NXN: variants seen among roughly 807,000 people sequenced by gnomAD.
NXN encodes the protein nucleoredoxin, also known as nucleoredoxin 1.
A neutral mutation model predicts 48.6 loss-of-function variants in NXN; 16 were observed. The ratio of observed to expected loss-of-function variants is 0.33; its 90% CI spans 0.22 to 0.50. The LOEUF (loss-of-function observed/expected upper bound fraction) is 0.50. Among genes scored for constraint, NXN ranks in the 20% least tolerant of loss-of-function variants. The pLI is 0.98. For synonymous variants in NXN, 281 were observed against 269.6 expected (o/e 1.04, Z -0.41); for missense variants, 492 against 605.5 (o/e 0.81, Z 1.97).
At chr17:820,517 C>G (rs1214774958) in intron 4 of NXN, among the ~76,000 whole-genome samples, 1 of 145,672 alleles carries the variant, frequency 6.9e-6, no homozygotes, top group Non-Finnish European at 1.5e-5. Flanking sequence ...GAGGCTGAGG[C>G]AGGAGAATGA....
At chr17:896,424 T>C (rs537484652) in intron 1 of NXN, among the ~76,000 whole-genome samples, 1 of 152,128 alleles carries the variant, frequency 6.6e-6, no homozygotes, top group East Asian at 1.9e-4. Flanking sequence ...GGTGGATTAT[T>C]TGAGCACAGG....
chr17:968,371 G>A (rs952522836), intron 1 of NXN, among the ~76,000 whole-genome samples: 1 of 152,224 alleles, frequency 6.6e-6, no homozygotes, highest in Non-Finnish European at 1.5e-5. Flanking sequence ...CCGAGCACCT[G>A]ATTAGTCAAA....
intron 3 of NXN, among the ~76,000 whole-genome samples, chr17:823,170 G>A (rs1218984902): frequency 1.6e-4 from 25 of 151,790 alleles, no homozygotes; most frequent in Admixed American, 5.9e-4. Context: ...AGGCCGAGGC[G>A]GGCAGATCAC....
chr17:839,777 T>C (rs1914032299), intron 1 of NXN, among the ~76,000 whole-genome samples: 1 of 101,740 alleles, frequency 9.8e-6, no homozygotes, highest in South Asian at 3.2e-4. Flanking sequence ...CACTCCAGCC[T>C]GGCGACAGAG....
At chr17:851,865 C>A (rs771553963) in intron 1 of NXN, among the ~76,000 whole-genome samples, 9 of 152,348 alleles carry the variant, frequency 5.9e-5, no homozygotes, top group South Asian at 2.1e-4. Context: ...GCGTTGCCTG[C>A]GGAAAGCGGA....
In NXN at chr17:830,233, A is replaced by G. The variant is rs1390557209; in HGVS notation, c.361-4155T>C. Reference sequence around the variant, plus strand: ...ATTAAGTGAGCGCCCACTGTGTGCCAGGCTCGTTCTAAGCACAAGAGATTC... The same window carrying G: ...ATTAAGTGAGCGCCCACTGTGTGCCGGGCTCGTTCTAAGCACAAGAGATTC... On this transcript the variant is annotated intron_variant, in intron 1 of 7. Coordinates refer to ENST00000336868, the MANE Select transcript of NXN (RefSeq NM_022463.5). This position sits in a 1 kb window ranked among gnomAD's most constrained non-coding sequence, Gnocchi z 4.2. Among the ~76,000 whole-genome samples the G allele has an allele frequency of 6.6e-6, 1 of 152,258 alleles. No individual in the cohort carries two copies. The highest frequency in any genetic ancestry group is 2.4e-5 in the African/African-American group (1 of 41,466).
At chr17:873,271 T>TG (rs1447519579) in intron 1 of NXN, among the ~76,000 whole-genome samples, 1 of 151,502 alleles carries the variant, frequency 6.6e-6, no homozygotes, top group Non-Finnish European at 1.5e-5. Flanking sequence ...CCGAGGAGGG[T>TG]GGATCACTTG....
intron 1 of NXN, among the ~76,000 whole-genome samples, chr17:833,880 C>T (rs186651260): frequency 1.1e-3 from 172 of 152,156 alleles, no homozygotes; most frequent in African/African-American, 3.9e-3. Flanking sequence ...CAGTGAAGAG[C>T]GGGTGATTAA....
chr17:815,879 G>C (rs1197079450), intron 5 of NXN, among the ~76,000 whole-genome samples: 2 of 152,230 alleles, frequency 1.3e-5, no homozygotes, highest in Non-Finnish European at 2.9e-5. Flanking sequence ...TGCACACACA[G>C]AGGCCAGTAG....
intron 1 of NXN, among the ~76,000 whole-genome samples, chr17:873,600 T>C (rs1482281123): frequency 1.3e-5 from 2 of 151,914 alleles, no homozygotes. Flanking sequence ...TATCAACTTC[T>C]TACTGGAAGC....
chr17:915,175 A>C lies in NXN; in HGVS notation c.360+64144T>G, dbSNP rs147604295. On this transcript the variant is annotated intron_variant, in intron 1 of 7. Transcript: ENST00000336868. ...GGCCTCGAACTTCTGACCTCGTGATAGGTCCACCTCAGCCTCCAAAAGTGC... is the reference window on the plus strand; with the variant it reads ...GGCCTCGAACTTCTGACCTCGTGATCGGTCCACCTCAGCCTCCAAAAGTGC... Among the ~76,000 whole-genome samples, 7 of 152,268 alleles carry C rather than the reference A, an allele frequency of 4.6e-5. 1 individual carries two copies. In the East Asian group the frequency reaches 1.2e-3, roughly 25 times the overall value.
At chr17:864,083 T>G in intron 1 of NXN, 1 of 1,426,168 alleles carries the variant, frequency 7.0e-7, no homozygotes, top group Non-Finnish European at 9.1e-7. Context: ...ACAGTTACCG[T>G]TGCTCGGTTC....
intron 1 of NXN, among the ~76,000 whole-genome samples, chr17:862,688 G>C (rs1245912439): frequency 2.0e-5 from 3 of 152,240 alleles, no homozygotes; most frequent in Non-Finnish European, 2.9e-5. Context: ...AAAGTAGAGT[G>C]ATCTGGCAGA....
intron 5 of NXN, among the ~76,000 whole-genome samples, chr17:810,757 C>T (rs996877921): frequency 1.1e-4 from 17 of 152,100 alleles, no homozygotes; most frequent in African/African-American, 2.7e-4. Flanking sequence ...GGCGTGGTAG[C>T]GCACCCCTGT....
intron 1 of NXN, among the ~76,000 whole-genome samples, chr17:906,497 T>C (rs933335718): frequency 2.6e-5 from 4 of 152,028 alleles, no homozygotes; most frequent in Non-Finnish European, 4.4e-5. Context: ...CCAACACAAC[T>C]TCCTCACAAG....
intron 1 of NXN, among the ~76,000 whole-genome samples, chr17:957,352 G>A (rs1420145277): frequency 6.6e-6 from 1 of 151,464 alleles, no homozygotes; most frequent in Non-Finnish European, 1.5e-5. Context: ...TGCATTTCTG[G>A]GCCGGGCGCA....
At chr17:877,150 G>A (rs1042448862) in intron 1 of NXN, among the ~76,000 whole-genome samples, 1 of 151,720 alleles carries the variant, frequency 6.6e-6, no homozygotes, top group Non-Finnish European at 1.5e-5. Flanking sequence ...AACAGCGACG[G>A]TGTTGTTTTT....
At chr17:804,476 G>C (rs935926874) in intron 6 of NXN, among the ~76,000 whole-genome samples, 3 of 152,064 alleles carry the variant, frequency 2.0e-5, no homozygotes, top group Non-Finnish European at 4.4e-5. Context: ...TTGTTGGAGG[G>C]GAGCCACAAG....
chr17:850,838 T>C lies in NXN; in HGVS notation c.361-24760A>G, dbSNP rs543887370. ...TGAGGGGGCTGCCGTTGGCGGACAC[T>C]CCCCGGCCAGGTGTGTGCTGGTTCC... is the stretch of plus-strand genomic sequence containing the variant. On this transcript the variant is annotated intron_variant, in intron 1 of 7. Coordinates refer to ENST00000336868, the MANE Select transcript of NXN (RefSeq NM_022463.5). Among the ~76,000 whole-genome samples, 3 of 152,168 alleles carry C rather than the reference T, an allele frequency of 2.0e-5. No homozygotes were observed. The East Asian group carries it at 5.8e-4, about 29-fold the overall frequency.
Sources: allele counts gnomAD v4.1 joint callset (sites outside exome capture counted in the v4.1 genomes callset), GRCh38; gene constraint gnomAD v4.1.1; non-coding constraint Gnocchi (gnomAD v3.1); transcripts MANE v1.5; gene names NCBI Gene and HGNC (gene_info 2026-07-23, HGNC 2026-07-21).